ATP11A: variants seen among roughly 807,000 people sequenced by gnomAD.
ATP11A encodes ATPase phospholipid transporting 11A, also known as phospholipid-transporting ATPase IH.
In ATP11A, 81 loss-of-function variants were observed where a neutral mutation model predicts 154.4. The observed-to-expected ratio is 0.52, with a 90% CI of 0.44 to 0.63. The LOEUF (loss-of-function observed/expected upper bound fraction) is 0.63. Ranked by LOEUF, ATP11A falls within the 30% of genes least tolerant of loss-of-function variation. The probability of loss-of-function intolerance (pLI) is 0.00; values close to 1 mark genes in which losing one functional copy is unlikely to be tolerated. For missense variants in ATP11A, 1,316 were observed against 1,474.3 expected (o/e 0.89, Z 1.76); for synonymous variants, 623 against 585.9 (o/e 1.06, Z -0.91).
chr13:112,881,446 G>GTATGGC, intron 29 of ATP11A: 1 of 1,067,332 alleles, frequency 9.4e-7, no homozygotes. Context: ...CTGGGTACCG[G>GTATGGC]TATGGCGTTC....
rs143577361 is a variant in ATP11A at position 112,828,800 on chromosome 13, C to T, written c.1221+1909C>T. On this transcript the variant is annotated intron_variant, in intron 12 of 29. Coordinates refer to ENST00000375645, the MANE Select transcript of ATP11A (RefSeq NM_015205.3). ...CACGGGGGACACACTGAGGTCAAGACGGGTGGACAAGCCCAAAAGGCAGGT... is the reference window on the plus strand; with the variant it reads ...CACGGGGGACACACTGAGGTCAAGATGGGTGGACAAGCCCAAAAGGCAGGT... 8.3e-3 allele frequency among the ~76,000 whole-genome samples: 1,263 copies of T among 152,338 alleles called. 15 individuals carry two copies. Among genetic ancestry groups the T allele is most frequent in the South Asian group, 0.042 (205 of 4,824 alleles).
At chr13:112,760,930 T>C (rs748197371) in intron 1 of ATP11A, among the ~76,000 whole-genome samples, 2 of 152,180 alleles carry the variant, frequency 1.3e-5, no homozygotes, top group Non-Finnish European at 2.9e-5. Context: ...TCCCTTTCTG[T>C]AGTTTCAGTT....
intron 28 of ATP11A, among the ~76,000 whole-genome samples, chr13:112,877,709 G>C (rs2080771059): frequency 6.6e-6 from 1 of 152,190 alleles, no homozygotes; most frequent in African/African-American, 2.4e-5. Context: ...GAACTCGGGG[G>C]GTTAGGAGGG....
intron 1 of ATP11A, among the ~76,000 whole-genome samples, chr13:112,765,777 T>C (rs2077061067): frequency 1.3e-5 from 2 of 152,230 alleles, no homozygotes; most frequent in South Asian, 4.1e-4. Flanking sequence ...CCTGCTACAG[T>C]GGATCTGAAA....
chr13:112,710,640 C>T (rs987375121), intron 1 of ATP11A, among the ~76,000 whole-genome samples: 1 of 152,232 alleles, frequency 6.6e-6, no homozygotes, highest in East Asian at 1.9e-4. Flanking sequence ...CTGGGCTGCT[C>T]TCTGGTTCCA....
chr13:112,850,007 C>G (rs1182114654), intron 17 of ATP11A, among the ~76,000 whole-genome samples: 2 of 152,188 alleles, frequency 1.3e-5, no homozygotes, highest in African/African-American at 4.8e-5. Context: ...GTCTTGTGTT[C>G]TGACTTCTTC....
intron 25 of ATP11A, among the ~76,000 whole-genome samples, chr13:112,864,368 T>C (rs1159102055): frequency 9.4e-5 from 6 of 63,930 alleles, no homozygotes; most frequent in Non-Finnish European, 1.6e-4. Context: ...CCAGCGGGGA[T>C]CATCACCACG....
chr13:112,790,326 GT>G (rs1215445553), intron 2 of ATP11A, among the ~76,000 whole-genome samples: 3 of 149,984 alleles, frequency 2.0e-5, no homozygotes, highest in Admixed American at 6.6e-5. Flanking sequence ...GTAGACCCCT[GT>G]GTAGACCTAC....
intron 1 of ATP11A, among the ~76,000 whole-genome samples, chr13:112,751,928 CGT>C (rs2076702730): frequency 6.6e-6 from 1 of 152,132 alleles, no homozygotes; most frequent in African/African-American, 2.4e-5. Context: ...TACACACATG[CGT>C]GTGTGTAAAT....
In ATP11A at chr13:112,731,942, G is replaced by T. The variant is rs947573540; in HGVS notation, c.39+41487G>T. Among the ~76,000 whole-genome samples, 27 of 145,298 alleles carry T rather than the reference G, an allele frequency of 1.9e-4. 2 individuals carry two copies. In the East Asian group the frequency reaches 4.3e-3, roughly 23 times the overall value. On this transcript the variant is annotated intron_variant, in intron 1 of 29. Coordinates refer to ENST00000375645, the MANE Select transcript of ATP11A (RefSeq NM_015205.3). ...AGATGGTGGAGAAATGGGGGCGGGG[G>T]GGGGCAGGTGGCCCATGTTCCGGTG...
At chr13:112,719,010 G>A (rs1888833899) in intron 1 of ATP11A, among the ~76,000 whole-genome samples, 1 of 152,208 alleles carries the variant, frequency 6.6e-6, no homozygotes, top group African/African-American at 2.4e-5. Context: ...GGGATTGAGG[G>A]AGGGTTAGGA....
intron 1 of ATP11A, among the ~76,000 whole-genome samples, chr13:112,765,814 G>C (rs1861622561): frequency 6.6e-6 from 1 of 152,268 alleles, no homozygotes. Context: ...TCTCGCTGCA[G>C]AGCTTAGTAA....
At chr13:112,745,334 G>A (rs1466947688) in intron 1 of ATP11A, 2 of 152,234 alleles carry the variant, frequency 1.3e-5, no homozygotes, top group Non-Finnish European at 2.9e-5. Context: ...CAAAGTGTGG[G>A]GATTACAGGC....
At chr13:112,703,029 G>T (rs1426588471) in intron 1 of ATP11A, among the ~76,000 whole-genome samples, 1 of 152,218 alleles carries the variant, frequency 6.6e-6, no homozygotes, top group Non-Finnish European at 1.5e-5. Context: ...AAACTTAAAT[G>T]GTTTTATTGT....
intron 1 of ATP11A, among the ~76,000 whole-genome samples, chr13:112,732,659 C>T (rs1021532530): frequency 2.0e-5 from 3 of 152,146 alleles, no homozygotes; most frequent in African/African-American, 4.8e-5. Context: ...TTGCCCAGGC[C>T]GGAGTGGAGT....
intron 1 of ATP11A, among the ~76,000 whole-genome samples, chr13:112,752,146 C>A (rs2076707934): frequency 6.6e-6 from 1 of 152,132 alleles, no homozygotes; most frequent in Non-Finnish European, 1.5e-5. Context: ...TCACTGTAAA[C>A]CCTGTGTCTG....
intron 1 of ATP11A, among the ~76,000 whole-genome samples, chr13:112,741,879 TC>T (rs978867492): frequency 3.3e-5 from 5 of 152,040 alleles, no homozygotes; most frequent in Non-Finnish European, 7.4e-5. Context: ...GTACTTCTCT[TC>T]CCCCAAAGAT....
intron 1 of ATP11A, among the ~76,000 whole-genome samples, chr13:112,774,598 A>G (rs1455409676): frequency 6.6e-6 from 1 of 152,236 alleles, no homozygotes; most frequent in Non-Finnish European, 1.5e-5. Flanking sequence ...GCTCATTTCA[A>G]GGTAAAGCAG....
Position 112,696,628 on chromosome 13 carries a change from C to T in ATP11A, c.39+6173C>T, listed in dbSNP as rs1399030677. 6.6e-6 allele frequency among the ~76,000 whole-genome samples: 1 copy of T among 152,154 alleles called. No individual in the cohort carries two copies. The highest frequency in any genetic ancestry group is 1.9e-4 in the East Asian group (1 of 5,168). On this transcript the variant is annotated intron_variant, in intron 1 of 29. Transcript: ENST00000375645. The surrounding 1 kb of genome is among the most constrained non-coding windows in gnomAD (Gnocchi z 6.2). The stretch of plus-strand genomic sequence containing the variant: ...TCCAGCTACCGTTTTTCTTAGGTTA[C>T]CCCGCGTAGCTGGCCCGTCCTTCCT...
Sources: allele counts gnomAD v4.1 joint callset (sites outside exome capture counted in the v4.1 genomes callset), GRCh38; gene constraint gnomAD v4.1.1; non-coding constraint Gnocchi (gnomAD v3.1); transcripts MANE v1.5; gene names NCBI Gene and HGNC (gene_info 2026-07-23, HGNC 2026-07-21).